Variants in PRKCE observed in about 807,000 individuals in gnomAD.
The protein encoded by PRKCE is protein kinase C epsilon type.
PRKCE carries 16 observed loss-of-function variants against 85.4 expected under a neutral mutation model. That is an observed-to-expected ratio of 0.19 (90% CI 0.13 to 0.28). The LOEUF (loss-of-function observed/expected upper bound fraction) is 0.28, where lower values mean the gene tolerates loss of function less well. Among genes scored for constraint, PRKCE ranks in the 10% least tolerant of loss-of-function variants. The probability of loss-of-function intolerance (pLI) is 1.00; values close to 1 mark genes in which losing one functional copy is unlikely to be tolerated. For synonymous variants in PRKCE, 388 were observed against 371.5 expected, an observed-to-expected ratio of 1.04 and a Z score of -0.51; for missense variants, 573 against 975.2, an observed-to-expected ratio of 0.59 and a Z score of 5.49.
chr2:45,886,551 A>G (rs1460071797), intron 2 of PRKCE, among the ~76,000 whole-genome samples: 3 of 152,250 alleles, frequency 2.0e-5, no homozygotes, highest in African/African-American at 7.2e-5. Flanking sequence ...CTACCTAACT[A>G]CATGGGCACA....
At chr2:46,056,661 T>A (rs1666610990) in intron 10 of PRKCE, among the ~76,000 whole-genome samples, 1 of 152,216 alleles carries the variant, frequency 6.6e-6, no homozygotes, top group African/African-American at 2.4e-5. Flanking sequence ...TATTTATCTA[T>A]CTAAAAATAT....
chr2:46,002,303 C>A (rs747888650), intron 7 of PRKCE, among the ~76,000 whole-genome samples: 1 of 152,154 alleles, frequency 6.6e-6, no homozygotes, highest in African/African-American at 2.4e-5. Context: ...GCAGAAAATC[C>A]GGGTGAAGGG....
chr2:45,874,988 T>G (rs1694366036), intron 2 of PRKCE, among the ~76,000 whole-genome samples: 1 of 152,060 alleles, frequency 6.6e-6, no homozygotes, highest in East Asian at 1.9e-4. Context: ...AATGTAGATG[T>G]CGACATACTA....
At chr2:45,817,492 G>C (rs1295602135) in intron 1 of PRKCE, among the ~76,000 whole-genome samples, 4 of 151,898 alleles carry the variant, frequency 2.6e-5, no homozygotes, top group African/African-American at 9.7e-5. Context: ...AGGAGATCGA[G>C]ACCATCCTGG....
chr2:45,972,365 A>G (rs995825807), intron 2 of PRKCE, among the ~76,000 whole-genome samples: 4 of 152,016 alleles, frequency 2.6e-5, no homozygotes, highest in African/African-American at 7.2e-5. Context: ...TTGGATATTA[A>G]CCCTTTCTCA....
At chr2:45,956,920 T>C (rs1392795717) in intron 2 of PRKCE, among the ~76,000 whole-genome samples, 1 of 152,228 alleles carries the variant, frequency 6.6e-6, no homozygotes, top group African/African-American at 2.4e-5. Context: ...TCTTTTCATG[T>C]GTTTAATTAG....
At chr2:45,750,135 G>A (rs906436077) in intron 1 of PRKCE, among the ~76,000 whole-genome samples, 1 of 152,090 alleles carries the variant, frequency 6.6e-6, no homozygotes, top group African/African-American at 2.4e-5. Context: ...AAAAATTATG[G>A]TGAAGTACAT....
intron 1 of PRKCE, among the ~76,000 whole-genome samples, chr2:45,699,423 A>G (rs1319180914): frequency 6.6e-6 from 1 of 152,206 alleles, no homozygotes; most frequent in African/African-American, 2.4e-5. Context: ...AGAGCTCAGT[A>G]AAGGTTGGCT....
chr2:45,719,788 C>T (rs900700995), intron 1 of PRKCE, among the ~76,000 whole-genome samples: 1 of 152,076 alleles, frequency 6.6e-6, no homozygotes, highest in African/African-American at 2.4e-5. Flanking sequence ...GGCCAAGTGC[C>T]GTGGCTCTTG....
At chr2:45,751,965 C>T (rs960974889) in intron 1 of PRKCE, among the ~76,000 whole-genome samples, 2 of 149,368 alleles carry the variant, frequency 1.3e-5, no homozygotes, top group Admixed American at 6.7e-5. Flanking sequence ...CTACAGGCGC[C>T]CGCCACTACG....
intron 6 of PRKCE, among the ~76,000 whole-genome samples, chr2:45,989,804 G>A (rs1374176231): frequency 6.6e-6 from 1 of 152,082 alleles, no homozygotes; most frequent in Non-Finnish European, 1.5e-5. Flanking sequence ...ATTATAAAGA[G>A]CACAATACAT....
intron 2 of PRKCE, among the ~76,000 whole-genome samples, chr2:45,911,629 C>G (rs1174499742): frequency 6.6e-6 from 1 of 152,164 alleles, no homozygotes. Context: ...AGTCCATTTT[C>G]TATGACTTTA....
chr2:45,670,045 C>T (rs890190745), intron 1 of PRKCE, among the ~76,000 whole-genome samples: 4 of 152,140 alleles, frequency 2.6e-5, no homozygotes, highest in South Asian at 2.1e-4. Context: ...ATAATCAAGA[C>T]GATCAAGTCT....
intron 1 of PRKCE, among the ~76,000 whole-genome samples, chr2:45,750,964 C>T (rs1306672106): frequency 6.6e-6 from 1 of 152,196 alleles, no homozygotes; most frequent in Non-Finnish European, 1.5e-5. Context: ...CAAGACCCTT[C>T]TGCTAGCTTT....
intron 1 of PRKCE, among the ~76,000 whole-genome samples, chr2:45,668,882 T>A (rs1423421191): frequency 2.6e-5 from 4 of 152,184 alleles, no homozygotes; most frequent in Non-Finnish European, 4.4e-5. Flanking sequence ...CCCTTTCGTA[T>A]ACAGTTTACA....
Position 46,120,245 on chromosome 2 carries a change from G to A in PRKCE, c.1593-24848G>A, listed in dbSNP as rs142516609. 4.5e-3 allele frequency among the ~76,000 whole-genome samples: 685 copies of A among 152,244 alleles called. 1 individual carries two copies. The highest frequency in any genetic ancestry group is 7.8e-3 in the Non-Finnish European group (530 of 68,016). ...TTCTTGATGTTCCTCTAGCATAATG[G>A]TTCTCAACCACTAGTGGTTATTTTA... On this transcript the variant is annotated intron_variant, in intron 11 of 14. Transcript: ENST00000306156.
At position 45,980,109 on chromosome 2, in the gene PRKCE, T is replaced by A. The variant is rs147691169; in HGVS notation, c.608-187T>A. Among the ~76,000 whole-genome samples, 11 of 152,368 alleles carry A rather than the reference T, an allele frequency of 7.2e-5. No homozygotes were observed. The East Asian group carries it at 2.1e-3, about 29-fold the overall frequency. On this transcript the variant is annotated intron_variant, in intron 4 of 14. Transcript: ENST00000306156. ...TTGCTCTCTGGAGCATTTAGGAAAC[T>A]GATGGCTCTGATAGGACAGTGTTTT...
At chr2:46,163,993 T>C (rs961219305) in intron 14 of PRKCE, among the ~76,000 whole-genome samples, 2 of 150,590 alleles carry the variant, frequency 1.3e-5, no homozygotes, top group South Asian at 2.1e-4. Context: ...CCCACAGAGG[T>C]TGTGGTGAGG....
chr2:46,015,376 A>G (rs1706036512), intron 10 of PRKCE, among the ~76,000 whole-genome samples: 1 of 152,028 alleles, frequency 6.6e-6, no homozygotes, highest in African/African-American at 2.4e-5. Context: ...CCTCTTTAAA[A>G]ATTTCATCTC....
Sources: gnomAD v4.1 joint callset for allele counts (sites outside exome capture counted in the v4.1 genomes callset) on GRCh38, gnomAD v4.1.1 for gene constraint, MANE v1.5 for transcripts, NCBI Gene and HGNC (gene_info 2026-07-23, HGNC 2026-07-21) for gene names.